The following TMEFF1 variants were observed in gnomAD, a reference collection of about 807,000 sequenced individuals.
TMEFF1 encodes the protein tomoregulin-1.
TMEFF1 carries 20 observed loss-of-function variants against 47.5 expected under a neutral mutation model. That is an observed-to-expected ratio of 0.42 (90% CI 0.30 to 0.61). The LOEUF is 0.61. Among genes scored for constraint, TMEFF1 ranks in the 20% least tolerant of loss-of-function variants. The pLI, the probability that TMEFF1 is intolerant of heterozygous loss-of-function variation, is 0.19. For synonymous variants in TMEFF1, 162 were observed against 166.3 expected, an observed-to-expected ratio of 0.97 and a Z score of 0.20; for missense variants, 411 against 471.1, an observed-to-expected ratio of 0.87 and a Z score of 1.18.
At chr9:100,499,111 A>G (rs1291997422) in intron 2 of TMEFF1, among the ~76,000 whole-genome samples, 2 of 152,182 alleles carry the variant, frequency 1.3e-5, no homozygotes, top group Admixed American at 6.5e-5. Flanking sequence ...AAAAATGTCA[A>G]ATTTCTATTT....
At chr9:100,541,116 T>C (rs1275894214) in intron 5 of TMEFF1, among the ~76,000 whole-genome samples, 2 of 152,200 alleles carry the variant, frequency 1.3e-5, no homozygotes, top group Non-Finnish European at 2.9e-5. Flanking sequence ...CAATTCATTA[T>C]GAATTAAGGA....
intron 7 of TMEFF1, 43 bp from the exon 8 acceptor site, chr9:100,561,354 C>T (rs114653963): frequency 4.4e-6 from 7 of 1,589,216 alleles, no homozygotes; most frequent in Non-Finnish European, 6.0e-6. Context: ...TATTTTTCAG[C>T]TTGCGTTTCA....
rs1837280989 is a variant in TMEFF1, at chr9:100,478,678, GT to G, written c.196+4940del. Among the ~76,000 whole-genome samples, 7 of 151,888 alleles carry G rather than the reference GT, an allele frequency of 4.6e-5. No homozygotes were observed. In the South Asian group the frequency reaches 1.5e-3, roughly 32 times the overall value. On this transcript the variant is annotated intron_variant, in intron 1 of 9. Coordinates refer to ENST00000374879, the MANE Select transcript of TMEFF1 (RefSeq NM_003692.5). ...AAGCTAACTTAACAGAAAGTTCCCA[GT>G]TATCCAAAGAGAAAAAAAGCTTGGA...
intron 5 of TMEFF1, among the ~76,000 whole-genome samples, chr9:100,531,099 A>T (rs1838367758): frequency 6.6e-6 from 1 of 152,126 alleles, no homozygotes; most frequent in Non-Finnish European, 1.5e-5. Flanking sequence ...AAATAATAAG[A>T]GCTATCTATG....
chr9:100,515,661 C>G (rs1218706152), intron 4 of TMEFF1, among the ~76,000 whole-genome samples: 1 of 151,988 alleles, frequency 6.6e-6, no homozygotes, highest in Non-Finnish European at 1.5e-5. Flanking sequence ...TGGTGTGAAC[C>G]TGTAATCCTG....
At chr9:100,479,202 G>A (rs574641369) in intron 1 of TMEFF1, among the ~76,000 whole-genome samples, 119 of 152,256 alleles carry the variant, frequency 7.8e-4, no homozygotes, top group African/African-American at 2.6e-3. Context: ...TGAATACTGC[G>A]TAGTGTAATC....
chr9:100,551,416 T>C (rs970654801), intron 7 of TMEFF1, among the ~76,000 whole-genome samples: 5 of 152,328 alleles, frequency 3.3e-5, no homozygotes, highest in African/African-American at 9.6e-5. Context: ...AACAAAATGC[T>C]GTATTTAAAA....
At chr9:100,509,261 A>AG (rs1289996373) in intron 3 of TMEFF1, 127 bp downstream of exon 3, 1 of 1,287,900 alleles carries the variant, frequency 7.8e-7, no homozygotes, top group East Asian at 3.0e-5. Flanking sequence ...TGCGGGGAGT[A>AG]GGGGAAATCT....
intron 2 of TMEFF1, among the ~76,000 whole-genome samples, chr9:100,507,011 T>C (rs2118352289): frequency 6.6e-6 from 1 of 152,254 alleles, no homozygotes; most frequent in African/African-American, 2.4e-5. Flanking sequence ...TTTTCAGTGC[T>C]TGCCTTTCTC....
chr9:100,520,946 T>A (rs1390743350), intron 5 of TMEFF1, among the ~76,000 whole-genome samples: 2 of 152,218 alleles, frequency 1.3e-5, no homozygotes, highest in African/African-American at 4.8e-5. Flanking sequence ...ATCTGTTTTT[T>A]AAAAATGTTT....
In TMEFF1 at chr9:100,479,892, A is replaced by C. The variant is rs534860834; in HGVS notation, c.196+6152A>C. Among the ~76,000 whole-genome samples the C allele has an allele frequency of 8.5e-5, 13 of 152,298 alleles. No homozygotes were observed. The South Asian group carries it at 2.7e-3, about 32-fold the overall frequency. On this transcript the variant is annotated intron_variant, in intron 1 of 9. Transcript: ENST00000374879. ...CTGTTGTGTATGTATCTAGGAGTGG[A>C]ATTGCTTGGTCATATGGTAACTCTG... is the stretch of plus-strand genomic sequence containing the variant.
chr9:100,536,984 T>G (rs1456182146), intron 5 of TMEFF1, among the ~76,000 whole-genome samples: 1 of 152,218 alleles, frequency 6.6e-6, no homozygotes, highest in South Asian at 2.1e-4. Context: ...TATGTCAGTC[T>G]GAAGAGATGT....
intron 5 of TMEFF1, among the ~76,000 whole-genome samples, chr9:100,540,014 C>G (rs910933097): frequency 1.3e-5 from 2 of 152,056 alleles, no homozygotes; most frequent in African/African-American, 4.8e-5. Context: ...AGACAGAGTG[C>G]TGATTGGTGC....
At chr9:100,494,305 A>G (rs1239002212) in intron 1 of TMEFF1, among the ~76,000 whole-genome samples, 2 of 152,042 alleles carry the variant, frequency 1.3e-5, no homozygotes, top group African/African-American at 2.4e-5. Context: ...GTAGCACAAA[A>G]TTTTTTAAGA....
chr9:100,537,853 CTT>C (rs1430260351), intron 5 of TMEFF1, among the ~76,000 whole-genome samples: 1 of 152,052 alleles, frequency 6.6e-6, no homozygotes, highest in Admixed American at 6.6e-5. Flanking sequence ...TCTTTCACCT[CTT>C]GTTTTCCAGA....
intron 5 of TMEFF1, among the ~76,000 whole-genome samples, chr9:100,522,982 C>T (rs577436819): frequency 4.5e-4 from 68 of 152,296 alleles, no homozygotes; most frequent in African/African-American, 1.5e-3. Context: ...TAGTGATTCG[C>T]CCGCCTCAGC....
At position 100,473,467 on chromosome 9, in the gene TMEFF1, C is replaced by A; in HGVS notation, c.-78C>A. ...CGGCTGCTAGGAGGCACCGAGGCAGCGGCGGGGCTCTGGGCGCGCGGCTGG... is the reference window on the plus strand; with the variant it reads ...CGGCTGCTAGGAGGCACCGAGGCAGAGGCGGGGCTCTGGGCGCGCGGCTGG... On this transcript the variant is annotated 5_prime_UTR_variant, in exon 1 of 10. Coordinates refer to ENST00000374879, the MANE Select transcript of TMEFF1 (RefSeq NM_003692.5). This position sits in a 1 kb window ranked among gnomAD's most constrained non-coding sequence, Gnocchi z 5.4. 1 of 1,170,650 alleles carries A rather than the reference C, an allele frequency of 8.5e-7. No homozygotes were observed. Among genetic ancestry groups the A allele is most frequent in the Non-Finnish European group, 1.1e-6 (1 of 925,368 alleles). 72.5% of individuals were successfully genotyped at this position (1,170,650 alleles called of 1,614,324 possible). A position where few individuals can be genotyped will look rare whatever the true frequency, so the allele number is the denominator to read the frequency against.
intron 5 of TMEFF1, among the ~76,000 whole-genome samples, chr9:100,542,414 G>T (rs1838650364): frequency 6.6e-6 from 1 of 152,078 alleles, no homozygotes; most frequent in Non-Finnish European, 1.5e-5. Context: ...TTCCTTAAAG[G>T]ATCATTTTTC....
chr9:100,475,456 TATATTAGAGTGCCTTTTTATGTAACAA>T (rs1837205517), intron 1 of TMEFF1, among the ~76,000 whole-genome samples: 1 of 152,228 alleles, frequency 6.6e-6, no homozygotes, highest in Non-Finnish European at 1.5e-5. Context: ...AAACCAGTTG[TATATTAGAGTGCCTTTTTATGTAACAA>T]ATATTAATTA....
Sources: allele counts gnomAD v4.1 joint callset (sites outside exome capture counted in the v4.1 genomes callset), GRCh38; gene constraint gnomAD v4.1.1; non-coding constraint Gnocchi (gnomAD v3.1); transcripts MANE v1.5; gene names NCBI Gene and HGNC (gene_info 2026-07-23, HGNC 2026-07-21).